Variants in SCRG1 observed in about 807,000 individuals in gnomAD.
SCRG1 encodes stimulator of chondrogenesis 1, also known as scrapie-responsive protein 1.
A neutral mutation model predicts 7.7 loss-of-function variants in SCRG1; 3 were observed. That is an observed-to-expected ratio of 0.39 (90% CI 0.18 to 1.01). The LOEUF is 1.01. SCRG1 is among the 50% of genes least tolerant of loss of function. The pLI is 0.36. For missense variants in SCRG1, 110 were observed against 117.2 expected, an observed-to-expected ratio of 0.94 and a Z score of 0.28; for synonymous variants, 46 against 41.2, an observed-to-expected ratio of 1.12 and a Z score of -0.44.
At chr4:173,486,858 G>C in the SCRG1 span, among the ~76,000 whole-genome samples, 1 of 152,282 alleles carries the variant, frequency 6.6e-6, no homozygotes, top group South Asian at 2.1e-4. Context: ...CTGATGGCCA[G>C]GTGGCCCTCT....
chr4:173,413,955 T>C, the SCRG1 span, among the ~76,000 whole-genome samples: 1 of 152,192 alleles, frequency 6.6e-6, no homozygotes, highest in East Asian at 1.9e-4. Flanking sequence ...TGATTATGAA[T>C]TTGGTCTCCC....
the SCRG1 span, among the ~76,000 whole-genome samples, chr4:173,484,259 A>G: frequency 6.8e-5 from 6 of 87,688 alleles, no homozygotes; most frequent in South Asian, 3.9e-4. Context: ...TTTTCTATAT[A>G]ATATATATTT....
the SCRG1 span, among the ~76,000 whole-genome samples, chr4:173,434,826 G>A: frequency 3.3e-4 from 50 of 152,190 alleles, no homozygotes; most frequent in African/African-American, 8.7e-4. Context: ...GTGAGACTCC[G>A]TCTCTAAATA....
the SCRG1 span, among the ~76,000 whole-genome samples, chr4:173,417,286 G>A: frequency 6.6e-6 from 1 of 152,150 alleles, no homozygotes; most frequent in South Asian, 2.1e-4. Flanking sequence ...AGGATCTTTA[G>A]CACTGGAAGG....
chr4:173,443,538 G>T, the SCRG1 span, among the ~76,000 whole-genome samples: 1 of 152,116 alleles, frequency 6.6e-6, no homozygotes, highest in Non-Finnish European at 1.5e-5. Flanking sequence ...GAAACATTTT[G>T]GGGGAGAATT....
the SCRG1 span, among the ~76,000 whole-genome samples, chr4:173,483,043 TA>T: frequency 1.7e-5 from 2 of 120,368 alleles, no homozygotes; most frequent in African/African-American, 3.2e-5. Context: ...ATTTCATGTA[TA>T]TTTTATATAT....
chr4:173,419,598 G>A, the SCRG1 span: 1 of 722,744 alleles, frequency 1.4e-6, no homozygotes, highest in African/African-American at 1.7e-5. Context: ...TCATAACCAA[G>A]GATTCATTTG....
At chr4:173,431,011 A>T in the SCRG1 span, among the ~76,000 whole-genome samples, 1 of 152,272 alleles carries the variant, frequency 6.6e-6, no homozygotes, top group East Asian at 1.9e-4. Flanking sequence ...TAAACTACCT[A>T]GTGGGTACAA....
chr4:173,443,307 T>C, the SCRG1 span, among the ~76,000 whole-genome samples: 1 of 152,140 alleles, frequency 6.6e-6, no homozygotes, highest in African/African-American at 2.4e-5. Context: ...AATTTGTACA[T>C]TTTTATCTAG....
At chr4:173,473,372 C>T in the SCRG1 span, among the ~76,000 whole-genome samples, 10 of 152,194 alleles carry the variant, frequency 6.6e-5, no homozygotes, top group Non-Finnish European at 1.5e-4. Flanking sequence ...TCTCAATCTA[C>T]GAATAGCTCT....
At chr4:173,484,217 A>G in the SCRG1 span, among the ~76,000 whole-genome samples, 1 of 91,668 alleles carries the variant, frequency 1.1e-5, no homozygotes, top group Non-Finnish European at 1.9e-5. Context: ...TATTTTCTAT[A>G]TTATATATAA....
chr4:173,483,444 T>TGATATAGTATATATTA, the SCRG1 span, among the ~76,000 whole-genome samples: 7 of 57,600 alleles, frequency 1.2e-4, 1 homozygote, highest in Non-Finnish European at 1.6e-4. Context: ...ATATTATATA[T>TGATATAGTATATATTA]TATATCATGA....
chr4:173,492,993 T>G, the SCRG1 span, among the ~76,000 whole-genome samples: 3 of 152,286 alleles, frequency 2.0e-5, no homozygotes, highest in Non-Finnish European at 4.4e-5. Context: ...CTTAGTGGAC[T>G]AAGAACAGGG....
At chr4:173,444,644 G>A in the SCRG1 span, among the ~76,000 whole-genome samples, 5 of 152,166 alleles carry the variant, frequency 3.3e-5, no homozygotes, top group East Asian at 5.8e-4. Context: ...AAAATGGCAC[G>A]TGCATGTGAC....
At chr4:173,449,255 C>G in the SCRG1 span, among the ~76,000 whole-genome samples, 1 of 152,152 alleles carries the variant, frequency 6.6e-6, no homozygotes. Context: ...AAAAGTCTGG[C>G]ATTCACAGTA....
chr4:173,435,736 G>C, the SCRG1 span, among the ~76,000 whole-genome samples: 3 of 152,082 alleles, frequency 2.0e-5, no homozygotes, highest in African/African-American at 7.2e-5. Context: ...GGAGAGTCTT[G>C]AGGTTTTTTA....
chr4:173,488,902 A>C, the SCRG1 span, among the ~76,000 whole-genome samples: 1 of 152,204 alleles, frequency 6.6e-6, no homozygotes, highest in Non-Finnish European at 1.5e-5. Flanking sequence ...GGATTACTGG[A>C]GTTTGAAAAC....
chr4:173,409,778 AG>A (rs2126927359), upstream of SCRG1, among the ~76,000 whole-genome samples: 1 of 152,060 alleles, frequency 6.6e-6, no homozygotes, highest in Admixed American at 6.5e-5. Flanking sequence ...TAGTAGAGAC[AG>A]GGTTTCACCA....
At chr4:173,479,439 T>G in the SCRG1 span, among the ~76,000 whole-genome samples, 307 of 143,572 alleles carry the variant, frequency 2.1e-3, 1 homozygote, top group Middle Eastern at 3.5e-3. Context: ...TTGTTTGTTT[T>G]TTTGTTTTTT....
Sources: allele counts gnomAD v4.1 joint callset (sites outside exome capture counted in the v4.1 genomes callset), GRCh38; gene constraint gnomAD v4.1.1; transcripts MANE v1.5; gene names NCBI Gene and HGNC (gene_info 2026-07-23, HGNC 2026-07-21).